C2orf49: variants seen among roughly 807,000 people sequenced by gnomAD.
C2orf49 encodes tRNA splicing ligase complex subunit 2.
In C2orf49, 11 loss-of-function variants were observed where a neutral mutation model predicts 20.6. That is an observed-to-expected ratio of 0.53 (90% CI 0.34 to 0.88). The LOEUF is 0.88. Among genes scored for constraint, C2orf49 ranks in the 40% least tolerant of loss-of-function variants. C2orf49 has a pLI of 0.02. For synonymous variants in C2orf49, 134 were observed against 108.5 expected (o/e 1.24, Z -1.46); for missense variants, 289 against 274.2 (o/e 1.05, Z -0.38).
chr2:105,357,709 T>G, the C2orf49 span: 1 of 152,184 alleles, frequency 6.6e-6, no homozygotes, highest in Non-Finnish European at 1.5e-5. Context: ...TGTCAACTTT[T>G]TTTTTTTTTT....
At chr2:105,356,567 C>G in the C2orf49 span, among the ~76,000 whole-genome samples, 2 of 152,084 alleles carry the variant, frequency 1.3e-5, no homozygotes, top group South Asian at 2.1e-4. Flanking sequence ...AGAGCGAGAT[C>G]CTGTCTCAAA....
the C2orf49 span, chr2:105,375,349 C>T: frequency 6.6e-6 from 1 of 152,264 alleles, no homozygotes; most frequent in Admixed American, 6.5e-5. Flanking sequence ...TGTGCTATCC[C>T]TGTTGGAAGT....
chr2:105,380,059 G>A, the C2orf49 span, among the ~76,000 whole-genome samples: 23,139 of 152,156 alleles, frequency 0.15, 2,159 homozygotes, highest in South Asian at 0.21. Flanking sequence ...TCCTGGACTC[G>A]CTTCTTAAGA....
At chr2:105,360,293 C>T in the C2orf49 span, 22,367 of 129,126 alleles carry the variant, frequency 0.17, 1,976 homozygotes, top group Middle Eastern at 0.29. Flanking sequence ...CAGAGCGAGA[C>T]TCTGTCTCAA....
the C2orf49 span, chr2:105,373,809 G>C: frequency 6.9e-7 from 1 of 1,445,054 alleles, no homozygotes; most frequent in Non-Finnish European, 9.6e-7. Flanking sequence ...GGCCCCTTGC[G>C]AATCTGCAGG....
the C2orf49 span, among the ~76,000 whole-genome samples, chr2:105,381,486 C>T: frequency 3.3e-5 from 5 of 152,084 alleles, no homozygotes; most frequent in African/African-American, 9.7e-5. Context: ...GATTTGGTTC[C>T]GGGGTCCAGC....
At chr2:105,350,346 G>GTAGTA (rs2104459508), downstream of C2orf49, among the ~76,000 whole-genome samples, 1 of 152,336 alleles carries the variant, frequency 6.6e-6, no homozygotes, top group South Asian at 2.1e-4. Flanking sequence ...ACGGGCAGTG[G>GTAGTA]TAGTATAAAA....
the C2orf49 span, chr2:105,363,170 A>G: frequency 3.1e-6 from 3 of 969,264 alleles, no homozygotes; most frequent in Non-Finnish European, 4.7e-6. Context: ...TGCTGTGTTC[A>G]GAGCCTTAGG....
chr2:105,354,666 CA>C, the C2orf49 span, among the ~76,000 whole-genome samples: 108,785 of 147,750 alleles, frequency 0.74, 39,872 homozygotes, highest in East Asian at 0.82. Flanking sequence ...AACTCCATCT[CA>C]AAAAAAAAAA....
At chr2:105,343,270 C>T (rs1238535216) in intron 3 of C2orf49, 47 bp downstream of exon 3, 1 of 1,514,352 alleles carries the variant, frequency 6.6e-7, no homozygotes, top group African/African-American at 1.4e-5. Context: ...CTGAATGAAA[C>T]TTGAGCAGTC....
chr2:105,379,047 C>T, the C2orf49 span, among the ~76,000 whole-genome samples: 3 of 152,064 alleles, frequency 2.0e-5, no homozygotes, highest in African/African-American at 2.4e-5. Flanking sequence ...CCCAGGAGCA[C>T]GTGATTAAAT....
In C2orf49 at chr2:105,337,694, G is replaced by A; in HGVS notation, c.99+8G>A. On this transcript the variant is annotated splice_region_variant and intron_variant, in intron 1 of 3. Transcript: ENST00000258457. ...CTCCTCACTCTGGAGCAGGTTGGGC[G>A]CGCCGGATCGGAGGGTGGGCGGGTG... 2 of 1,292,688 alleles carry A rather than the reference G, an allele frequency of 1.5e-6. No homozygotes were observed. Among genetic ancestry groups the A allele is most frequent in the East Asian group, 2.8e-5 (1 of 35,118 alleles). 80.1% of individuals were successfully genotyped at this position (1,292,688 alleles called of 1,614,324 possible).
At chr2:105,367,876 T>A in the C2orf49 span, 1 of 763,818 alleles carries the variant, frequency 1.3e-6, no homozygotes. Context: ...GGCTCGCCTC[T>A]ACATGGAGGT....
downstream of C2orf49, among the ~76,000 whole-genome samples, chr2:105,351,322 C>G (rs1304629675): frequency 0.014 from 1,676 of 123,326 alleles, 105 homozygotes; most frequent in African/African-American, 0.023. Flanking sequence ...CGCCCCCCCC[C>G]CCCCAAAAAA....
At chr2:105,369,923 A>G in the C2orf49 span, among the ~76,000 whole-genome samples, 1 of 152,216 alleles carries the variant, frequency 6.6e-6, no homozygotes, top group Non-Finnish European at 1.5e-5. Flanking sequence ...CACCTCAGGC[A>G]TGGCGACAGC....
the C2orf49 span, chr2:105,361,490 G>A: frequency 6.6e-7 from 1 of 1,503,932 alleles, no homozygotes; most frequent in Non-Finnish European, 9.2e-7. Context: ...AGGCAACTGG[G>A]ACTGAAGAAG....
chr2:105,381,407 T>A, the C2orf49 span, among the ~76,000 whole-genome samples: 1 of 152,088 alleles, frequency 6.6e-6, no homozygotes, highest in Admixed American at 6.6e-5. Context: ...TGTATAGACA[T>A]GGAAACGGAG....
At chr2:105,370,215 CA>C in the C2orf49 span, among the ~76,000 whole-genome samples, 154 of 149,736 alleles carry the variant, frequency 1.0e-3, no homozygotes, top group African/African-American at 1.2e-3. Context: ...TCTACCCCCC[CA>C]AAAAAAAAAT....
chr2:105,370,548 G>T, the C2orf49 span, among the ~76,000 whole-genome samples: 3 of 152,126 alleles, frequency 2.0e-5, no homozygotes, highest in African/African-American at 7.2e-5. Context: ...CCAGTTTCCT[G>T]ATTGGTCATC....
Sources: allele counts gnomAD v4.1 joint callset (sites outside exome capture counted in the v4.1 genomes callset), GRCh38; gene constraint gnomAD v4.1.1; transcripts MANE v1.5; gene names NCBI Gene and HGNC (gene_info 2026-07-23, HGNC 2026-07-21).